The following CDC123 variants were observed in gnomAD, a reference collection of about 807,000 sequenced individuals.
CDC123 encodes the protein translation initiation factor eIF2 assembly protein.
CDC123 carries 37 observed loss-of-function variants against 54.4 expected under a neutral mutation model. The ratio of observed to expected loss-of-function variants is 0.68; its 90% confidence interval spans 0.52 to 0.89. The LOEUF is 0.89. CDC123 is among the 40% of genes least tolerant of loss of function. The probability of loss-of-function intolerance (pLI) is 0.00; values close to 1 mark genes in which losing one functional copy is unlikely to be tolerated. For missense variants in CDC123, 361 were observed against 412.1 expected (o/e 0.88, Z 1.07); for synonymous variants, 144 against 136.8 (o/e 1.05, Z -0.37).
chr10:12,233,478 G>A (rs1014187404), intron 7 of CDC123, among the ~76,000 whole-genome samples: 2 of 152,118 alleles, frequency 1.3e-5, no homozygotes, highest in African/African-American at 4.8e-5. Flanking sequence ...CAACCACAGT[G>A]TATGTATTAC....
intron 8 of CDC123, 82 bp from the exon 9 acceptor site, chr10:12,237,062 T>C: frequency 7.1e-7 from 1 of 1,404,930 alleles, no homozygotes; most frequent in Admixed American, 2.8e-5. Context: ...AATGGTTCTT[T>C]CCACAAAATG....
chr10:12,200,405 C>T (rs1050821844), intron 2 of CDC123, among the ~76,000 whole-genome samples: 1 of 151,834 alleles, frequency 6.6e-6, no homozygotes, highest in East Asian at 1.9e-4. Flanking sequence ...GGATTACAGG[C>T]GTGAGCCACT....
At chr10:12,216,801 G>A (rs1426246080) in intron 5 of CDC123, among the ~76,000 whole-genome samples, 1 of 152,160 alleles carries the variant, frequency 6.6e-6, no homozygotes, top group Non-Finnish European at 1.5e-5. Context: ...CTTTGTGCCT[G>A]CTTTGCATTT....
At chr10:12,240,575 C>T (rs1008529926) in intron 10 of CDC123, among the ~76,000 whole-genome samples, 3 of 152,188 alleles carry the variant, frequency 2.0e-5, no homozygotes, top group Non-Finnish European at 4.4e-5. Context: ...TTAAGAGTTA[C>T]TAGAAAGAGG....
intron 6 of CDC123, among the ~76,000 whole-genome samples, chr10:12,223,322 G>A (rs1204992727): frequency 4.0e-5 from 6 of 151,894 alleles, no homozygotes; most frequent in African/African-American, 7.3e-5. Flanking sequence ...GTCTCGCTCT[G>A]TCACCCAGGC....
chr10:12,201,690 C>T (rs1454047457), intron 2 of CDC123, among the ~76,000 whole-genome samples: 2 of 152,132 alleles, frequency 1.3e-5, no homozygotes, highest in Admixed American at 1.3e-4. Flanking sequence ...GTTAAAGATG[C>T]TGCAATTTAT....
chr10:12,249,776 G>T, intron 12 of CDC123, 58 bp downstream of exon 12: 2 of 1,527,858 alleles, frequency 1.3e-6, no homozygotes, highest in African/African-American at 1.4e-5. Context: ...CTTCAAATTG[G>T]CTTTTATATA....
chr10:12,244,551 C>T (rs1174432086), intron 10 of CDC123, among the ~76,000 whole-genome samples: 1 of 152,164 alleles, frequency 6.6e-6, no homozygotes, highest in Non-Finnish European at 1.5e-5. Flanking sequence ...TGACCTTTCC[C>T]TGAGGAGAGT....
chr10:12,199,296 T>C (rs1328486469), intron 2 of CDC123, among the ~76,000 whole-genome samples: 1 of 152,180 alleles, frequency 6.6e-6, no homozygotes, highest in African/African-American at 2.4e-5. Flanking sequence ...CGTTGAAGAA[T>C]CATAGGATTT....
At chr10:12,207,224 C>T (rs576441728) in intron 2 of CDC123, among the ~76,000 whole-genome samples, 2 of 151,636 alleles carry the variant, frequency 1.3e-5, no homozygotes, top group East Asian at 1.9e-4. Flanking sequence ...TTTCTCTTTC[C>T]GTGTCTTTTT....
Position 12,196,272 on chromosome 10 carries a change from C to A in CDC123, c.27C>A (p.Cys9Ter), listed in dbSNP as rs375416169. 28 of 1,613,788 alleles carry A rather than the reference C, an allele frequency of 1.7e-5. No homozygotes were observed. The highest frequency in any genetic ancestry group is 2.3e-5 in the Non-Finnish European group (27 of 1,179,872). MKKEHVLH[C>*]QFSAWYPFFR... ...TGAAGAAGGAGCATGTGCTTCACTG[C>A]CAGTTCTCCGCGTGGTACCCGTTCT... is the stretch of plus-strand genomic sequence containing the variant. The change falls in exon 1 of 13, where the codon TGC becomes TGA. Residue 9 changes from cysteine to a stop codon, truncating the protein, a stop_gained. Transcript: ENST00000281141. LOFTEE classifies it high-confidence loss of function.
chr10:12,220,744 G>A (rs1473011847), intron 6 of CDC123, among the ~76,000 whole-genome samples: 6 of 152,170 alleles, frequency 3.9e-5, no homozygotes, highest in African/African-American at 9.7e-5. Context: ...TTGGGAGGCC[G>A]AGGTGGGCGG....
At chr10:12,240,366 G>C (rs1189149370) in intron 10 of CDC123, among the ~76,000 whole-genome samples, 1 of 152,228 alleles carries the variant, frequency 6.6e-6, no homozygotes, top group East Asian at 1.9e-4. Flanking sequence ...TTCTCTCTCC[G>C]TGCTTAGATC....
At chr10:12,209,481 C>T (rs1454470465) in intron 2 of CDC123, among the ~76,000 whole-genome samples, 1 of 152,232 alleles carries the variant, frequency 6.6e-6, no homozygotes, top group Non-Finnish European at 1.5e-5. Context: ...GCAATCCTCC[C>T]ATCTCAGCCT....
At chr10:12,206,820 G>A (rs7072712) in intron 2 of CDC123, among the ~76,000 whole-genome samples, 2 of 151,994 alleles carry the variant, frequency 1.3e-5, no homozygotes, top group East Asian at 1.9e-4. Context: ...TTAGCCGGGT[G>A]TGGTGGCGGG....
chr10:12,196,289 A>G lies in CDC123; in HGVS notation c.44A>G (p.Tyr15Cys), dbSNP rs1277822590. 1.2e-6 allele frequency: 2 copies of G among 1,613,726 alleles called. No homozygotes were observed. The highest frequency in any genetic ancestry group is 1.7e-4 in the Middle Eastern group (1 of 6,058). ...HVLHCQFSAWYPFFRGVTIKS... is the reference protein window; with the variant it reads ...HVLHCQFSAWCPFFRGVTIKS... Reference sequence around the variant, plus strand: ...CTTCACTGCCAGTTCTCCGCGTGGTACCCGTTCTTCCGAGGCGTTACCATC... The same window carrying G: ...CTTCACTGCCAGTTCTCCGCGTGGTGCCCGTTCTTCCGAGGCGTTACCATC... Residue 15 changes from tyrosine (Y) to cysteine (C), a missense_variant, in exon 1 of 13, where the codon TAC becomes TGC. Tyr to Cys is a radical substitution (Grantham distance 194). Transcript: ENST00000281141.
chr10:12,237,144 G>T lies in CDC123; in HGVS notation c.566G>T (p.Gly189Val). The change falls in exon 9 of 13, where the codon GGT becomes GTT. Residue 189 changes from glycine to valine, a missense_variant and splice_region_variant. Gly to Val is a moderately radical substitution (Grantham distance 109). Transcript: ENST00000281141. The stretch of plus-strand genomic sequence containing the variant: ...AGGATGTAAAATATTTTCTTGTCAG[G>T]TATTTCTCAAAGAGACTACACACAA... ...RCFVKENKLI[G>V]ISQRDYTQYY... 6.5e-7 allele frequency: 1 copy of T among 1,526,832 alleles called. No individual in the cohort carries two copies. The highest frequency in any genetic ancestry group is 8.7e-7 in the Non-Finnish European group (1 of 1,144,716). The allele number at this position is 1,526,832 out of a possible 1,614,324, so 94.6% of individuals were successfully genotyped here.
chr10:12,221,826 A>G (rs1835741325), intron 6 of CDC123, among the ~76,000 whole-genome samples: 1 of 149,378 alleles, frequency 6.7e-6, no homozygotes, highest in African/African-American at 2.5e-5. Flanking sequence ...ATCAGCTATC[A>G]TTAGTGTTAG....
intron 8 of CDC123, among the ~76,000 whole-genome samples, chr10:12,236,472 G>A (rs1835977550): frequency 6.6e-6 from 1 of 152,050 alleles, no homozygotes; most frequent in African/African-American, 2.4e-5. Context: ...GGTGGCACAT[G>A]CCTGTAGTCC....
Sources: allele counts gnomAD v4.1 joint callset (sites outside exome capture counted in the v4.1 genomes callset), GRCh38; gene constraint gnomAD v4.1.1; transcripts MANE v1.5; gene names NCBI Gene and HGNC (gene_info 2026-07-23, HGNC 2026-07-21).